USP54: variants seen among roughly 807,000 people sequenced by gnomAD.
USP54 encodes ubiquitin specific peptidase 54.
A neutral mutation model predicts 170.5 loss-of-function variants in USP54; 87 were observed. The observed-to-expected ratio is 0.51, with a 90% CI of 0.43 to 0.61. USP54 has a LOEUF of 0.61. Ranked by LOEUF, USP54 falls within the 20% of genes least tolerant of loss-of-function variation. The pLI is 0.00. For missense variants in USP54, 1,786 were observed against 2,047.8 expected, an observed-to-expected ratio of 0.87 and a Z score of 2.47; for synonymous variants, 655 against 742.8, an observed-to-expected ratio of 0.88 and a Z score of 1.92.
Position 73,517,392 on chromosome 10 carries a change from G to A in USP54, c.3034C>T (p.Leu1012Phe), listed in dbSNP as rs774117659. The A allele has an allele frequency of 6.2e-7, 1 of 1,613,898 alleles. No homozygotes were observed. The highest frequency in any genetic ancestry group is 1.7e-5 in the Admixed American group (1 of 59,998). Residue 1012 changes from leucine to phenylalanine, a missense_variant, in exon 20 of 24, where the codon CTC becomes TTC. Around this residue, in one of 3 missense-constraint regions of USP54, gnomAD observed 1,418 missense variants for 1,569.0 expected, o/e 0.90. Coordinates refer to ENST00000687698, the MANE Select transcript of USP54 (RefSeq NM_001391956.1). Reference protein sequence around the residue: ...SRCDNSSCSKLPPQEGRGIAQ... With the variant: ...SRCDNSSCSKFPPQEGRGIAQ... ...ATGCCTCTTCCTTCTTGTGGAGGGAGCTTGCTGCAACTGCTGTTGTCACAC... is the reference window on the plus strand; with the variant it reads ...ATGCCTCTTCCTTCTTGTGGAGGGAACTTGCTGCAACTGCTGTTGTCACAC...
At chr10:73,552,306 G>A (rs12251843) in intron 4 of USP54, among the ~76,000 whole-genome samples, 22,525 of 151,716 alleles carry the variant, frequency 0.15, 2,698 homozygotes, top group African/African-American at 0.31. Context: ...CCAGCTACTC[G>A]GGAGGCTGAC....
chr10:73,533,044 C>T (rs1306751014), intron 12 of USP54, among the ~76,000 whole-genome samples: 2 of 152,194 alleles, frequency 1.3e-5, no homozygotes, highest in African/African-American at 4.8e-5. Context: ...CGGTGGCTCA[C>T]GCCTGTAATC....
intron 7 of USP54, 135 bp downstream of exon 7, chr10:73,542,668 T>C (rs1590200377): frequency 3.8e-6 from 3 of 781,958 alleles, no homozygotes; most frequent in South Asian, 1.8e-5. Flanking sequence ...GAGGCGGAGG[T>C]TGCAGTAAGC....
At chr10:73,596,906 AAAAG>A (rs2078784303) in intron 1 of USP54, among the ~76,000 whole-genome samples, 1 of 152,176 alleles carries the variant, frequency 6.6e-6, no homozygotes, top group East Asian at 1.9e-4. Context: ...TAAGGAAAGA[AAAAG>A]AATCATACAC....
Position 73,519,836 on chromosome 10 carries a change from C to A in USP54, c.2639G>T (p.Cys880Phe), listed in dbSNP as rs1160326319. The change falls in exon 19 of 24, where the codon TGC becomes TTC. Residue 880 changes from cysteine (C) to phenylalanine (F), a missense_variant. Coordinates refer to ENST00000687698, the MANE Select transcript of USP54 (RefSeq NM_001391956.1). Reference protein sequence around the residue: ...SPQQPSQPSACLPTQAGTLSQ... With the variant: ...SPQQPSQPSAFLPTQAGTLSQ... ...GAGAGTCCCCGCCTGTGTTGGGAGG[C>A]AGGCTGAGGGCTGCGACGGCTGCTG... is the stretch of plus-strand genomic sequence containing the variant. The A allele has an allele frequency of 6.2e-7, 1 of 1,614,070 alleles. No individual in the cohort carries two copies. Among genetic ancestry groups the A allele is most frequent in the Non-Finnish European group, 8.5e-7 (1 of 1,180,000 alleles).
chr10:73,606,175 CAAAAAAAAAAAAAAA>C lies in USP54; in HGVS notation c.-18+19377_-18+19391del, dbSNP rs1178699732. 3.9e-3 allele frequency among the ~76,000 whole-genome samples: 99 copies of C among 25,626 alleles called. 1 individual carries two copies. In the Admixed American group the frequency reaches 0.045, roughly 12 times the overall value. The allele number at this position is 25,626 out of a possible 152,430, so 16.8% of individuals were successfully genotyped here. ...CCTGGGCGACAGAGTGAGGCTGTCTCAAAAAAAAAAAAAAAAAAAAAAAAAAAATGAGAGTGCTGA... is the reference window on the plus strand; with the variant it reads ...CCTGGGCGACAGAGTGAGGCTGTCTCAAAAAAAAAAAAATGAGAGTGCTGA... On this transcript the variant is annotated intron_variant, in intron 1 of 22. Transcript: ENST00000339859.
chr10:73,575,338 G>A lies in USP54; in HGVS notation c.147+174C>T, dbSNP rs1032511266. Among the ~76,000 whole-genome samples the A allele has an allele frequency of 7.9e-5, 12 of 152,076 alleles. 1 individual carries two copies. The East Asian group carries it at 1.9e-3, about 24-fold the overall frequency. The stretch of plus-strand genomic sequence containing the variant: ...TCTTTTTTACAAATGAGGTAATTGA[G>A]ATTCAAAGAGATAAAGTGACTTGCC... On this transcript the variant is annotated intron_variant, in intron 3 of 23. Coordinates refer to ENST00000687698, the MANE Select transcript of USP54 (RefSeq NM_001391956.1).
At position 73,605,718 on chromosome 10, in the gene USP54, G is replaced by A. The variant is rs79602359; in HGVS notation, c.-18+19849C>T. On this transcript the variant is annotated intron_variant, in intron 1 of 22. Transcript: ENST00000339859. ...GATGAACTTGAGGACATTATACTAC[G>A]TGAAATAAGCCAGTCACAACAGGAC... Among the ~76,000 whole-genome samples, 444 of 152,144 alleles carry A rather than the reference G, an allele frequency of 2.9e-3. 4 individuals carry two copies. Among genetic ancestry groups the A allele is most frequent in the African/African-American group, 0.01 (415 of 41,488 alleles).
chr10:73,601,902 A>C (rs1283726261), intron 1 of USP54, among the ~76,000 whole-genome samples: 4 of 152,184 alleles, frequency 2.6e-5, no homozygotes. Context: ...TTCAGCTACA[A>C]CGGAGGTCAA....
chr10:73,505,024 TA>T (rs1352422203), intron 21 of USP54, 34 bp from the exon 22 acceptor site: 11 of 1,613,036 alleles, frequency 6.8e-6, no homozygotes, highest in Non-Finnish European at 8.5e-6. Flanking sequence ...GGCAGACACA[TA>T]ATACCAGACT....
At chr10:73,539,882 T>C (rs1261047696) in intron 9 of USP54, among the ~76,000 whole-genome samples, 1 of 151,926 alleles carries the variant, frequency 6.6e-6, no homozygotes, top group Non-Finnish European at 1.5e-5. Context: ...TTCCTACACT[T>C]TGGGAGGGTG....
chr10:73,537,358 A>T, intron 10 of USP54, among the ~76,000 whole-genome samples: 1 of 152,222 alleles, frequency 6.6e-6, no homozygotes, highest in East Asian at 1.9e-4. Context: ...AATTTGACAA[A>T]TACTTTACTA....
chr10:73,579,509 CT>C (rs750423850), intron 1 of USP54, among the ~76,000 whole-genome samples: 1 of 152,096 alleles, frequency 6.6e-6, no homozygotes, highest in Non-Finnish European at 1.5e-5. Flanking sequence ...AATCCCAGCA[CT>C]TTTGGAAGCT....
At chr10:73,569,212 TTTG>T (rs369648030) in intron 4 of USP54, among the ~76,000 whole-genome samples, 170 of 152,296 alleles carry the variant, frequency 1.1e-3, no homozygotes, top group African/African-American at 2.1e-3. Flanking sequence ...AATGACTTTT[TTTG>T]TTGTTGTTTT....
At chr10:73,613,216 C>A (rs2080304139) in intron 1 of USP54, among the ~76,000 whole-genome samples, 1 of 149,558 alleles carries the variant, frequency 6.7e-6, no homozygotes, top group Non-Finnish European at 1.5e-5. Flanking sequence ...CTCACTGCAA[C>A]CTCCACCTCC....
chr10:73,541,343 C>A (rs1300188143), intron 9 of USP54, 32 bp downstream of exon 9: 1 of 1,613,020 alleles, frequency 6.2e-7, no homozygotes, highest in African/African-American at 1.3e-5. Context: ...CGCAAGAACT[C>A]AAAGTGAGAG....
chr10:73,597,598 G>A (rs2078832860), intron 1 of USP54, among the ~76,000 whole-genome samples: 1 of 152,078 alleles, frequency 6.6e-6, no homozygotes, highest in Non-Finnish European at 1.5e-5. Context: ...CACCAAAGTA[G>A]CCTTAAAAAC....
At chr10:73,547,672 T>C (rs1325109952) in intron 4 of USP54, among the ~76,000 whole-genome samples, 1 of 152,156 alleles carries the variant, frequency 6.6e-6, no homozygotes, top group Non-Finnish European at 1.5e-5. Flanking sequence ...GAAAACTGGC[T>C]AGCCATATGT....
intron 4 of USP54, chr10:73,553,450 A>T (rs1212083551): frequency 6.6e-6 from 1 of 152,198 alleles, no homozygotes; most frequent in African/African-American, 2.4e-5. Flanking sequence ...GCAGCACACT[A>T]ACCTCTGTGT....
Sources: allele counts gnomAD v4.1 joint callset (sites outside exome capture counted in the v4.1 genomes callset), GRCh38; gene constraint gnomAD v4.1.1; regional missense constraint gnomAD v4.1.1; transcripts MANE v1.5; gene names NCBI Gene and HGNC (gene_info 2026-07-23, HGNC 2026-07-21).